Variants in UIMC1 observed in about 807,000 individuals in gnomAD.
UIMC1 encodes ubiquitin interaction motif containing 1.
Under a neutral mutation model 84.9 loss-of-function variants are expected in UIMC1, and 42 were observed. The ratio of observed to expected loss-of-function variants is 0.49; its 90% CI spans 0.39 to 0.64. UIMC1 has a LOEUF of 0.64. UIMC1 is among the 30% of genes least tolerant of loss of function. The pLI is 0.00. For missense variants in UIMC1, 825 were observed against 847.6 expected, an observed-to-expected ratio of 0.97 and a Z score of 0.33; for synonymous variants, 281 against 293.0, an observed-to-expected ratio of 0.96 and a Z score of 0.42.
intron 2 of UIMC1, among the ~76,000 whole-genome samples, chr5:176,979,135 A>AGTTT (rs1770607358): frequency 6.6e-6 from 1 of 152,256 alleles, no homozygotes; most frequent in Non-Finnish European, 1.5e-5. Context: ...ACAAGATTTT[A>AGTTT]GTTTATGATA....
At chr5:176,945,046 C>T (rs961227670) in intron 9 of UIMC1, among the ~76,000 whole-genome samples, 1 of 152,224 alleles carries the variant, frequency 6.6e-6, no homozygotes, top group South Asian at 2.1e-4. Flanking sequence ...CCCAGGCCCA[C>T]TTGGCATCAA....
chr5:176,929,457 CTTG>C (rs986588301), intron 10 of UIMC1, among the ~76,000 whole-genome samples: 30 of 151,392 alleles, frequency 2.0e-4, no homozygotes, highest in African/African-American at 7.3e-4. Flanking sequence ...GTCCCAGCTA[CTTG>C]GGAGGCTGAG....
intron 8 of UIMC1, among the ~76,000 whole-genome samples, chr5:176,953,664 A>C (rs1766209936): frequency 6.6e-6 from 1 of 152,208 alleles, no homozygotes; most frequent in South Asian, 2.1e-4. Flanking sequence ...AATAATAAAA[A>C]GTCTTCAATT....
intron 10 of UIMC1, among the ~76,000 whole-genome samples, chr5:176,921,298 T>C (rs1212434258): frequency 6.6e-6 from 1 of 152,174 alleles, no homozygotes; most frequent in Non-Finnish European, 1.5e-5. Flanking sequence ...CTTGCTTAAT[T>C]AAGGATTCCC....
chr5:176,908,067 C>T (rs1759628802), intron 12 of UIMC1, among the ~76,000 whole-genome samples: 1 of 151,790 alleles, frequency 6.6e-6, no homozygotes, highest in Non-Finnish European at 1.5e-5. Flanking sequence ...TTCATAAATG[C>T]AAGTGAGAAA....
chr5:176,953,530 A>ACACACACACACACACACACACC (rs1486168664), intron 8 of UIMC1, among the ~76,000 whole-genome samples: 11 of 151,198 alleles, frequency 7.3e-5, no homozygotes, highest in South Asian at 6.3e-4. Flanking sequence ...ACACACACAC[A>ACACACACACACACACACACACC]CCTTATTGGA....
intron 8 of UIMC1, among the ~76,000 whole-genome samples, chr5:176,954,026 T>A (rs901706747): frequency 1.3e-5 from 2 of 152,232 alleles, no homozygotes; most frequent in African/African-American, 4.8e-5. Flanking sequence ...GGAACATTAA[T>A]GTAATGAATA....
intron 1 of UIMC1, among the ~76,000 whole-genome samples, chr5:177,020,555 C>T (rs1362731518): frequency 6.6e-6 from 1 of 152,188 alleles, no homozygotes; most frequent in Admixed American, 6.5e-5. Context: ...CTCAGCCTCC[C>T]GAGTAGCTGG....
chr5:176,942,847 G>C (rs1006847974), intron 10 of UIMC1, among the ~76,000 whole-genome samples: 1 of 151,512 alleles, frequency 6.6e-6, no homozygotes, highest in Non-Finnish European at 1.5e-5. Context: ...TTGAGGTCAT[G>C]AGTTCGAGAG....
chr5:176,965,275 T>C (rs952058308), intron 6 of UIMC1, among the ~76,000 whole-genome samples: 1 of 151,826 alleles, frequency 6.6e-6, no homozygotes, highest in South Asian at 2.1e-4. Context: ...CATAAAAAAT[T>C]AGGCGGGTGT....
At chr5:176,991,282 T>C (rs1312849527) in intron 1 of UIMC1, among the ~76,000 whole-genome samples, 2 of 152,014 alleles carry the variant, frequency 1.3e-5, no homozygotes, top group Non-Finnish European at 2.9e-5. Flanking sequence ...GTGCTGGGAT[T>C]ACAGACATGA....
At chr5:176,995,983 A>G (rs866275070) in intron 1 of UIMC1, among the ~76,000 whole-genome samples, 1 of 152,182 alleles carries the variant, frequency 6.6e-6, no homozygotes, top group Non-Finnish European at 1.5e-5. Flanking sequence ...AGAGAAATAA[A>G]GACGTGAATG....
intron 7 of UIMC1, among the ~76,000 whole-genome samples, 171 bp downstream of exon 7, chr5:176,957,922 G>A (rs1766809032): frequency 6.6e-6 from 1 of 152,174 alleles, no homozygotes. Context: ...GCTTCTATGA[G>A]ATGCACATCT....
intron 2 of UIMC1, among the ~76,000 whole-genome samples, chr5:176,977,897 C>T (rs377010238): frequency 2.6e-5 from 4 of 151,376 alleles, no homozygotes; most frequent in Admixed American, 2.6e-4. Flanking sequence ...GGCAACAGAG[C>T]GAGACTCCAT....
At chr5:176,990,910 G>A (rs904739265) in intron 1 of UIMC1, among the ~76,000 whole-genome samples, 4 of 151,922 alleles carry the variant, frequency 2.6e-5, no homozygotes, top group Non-Finnish European at 5.9e-5. Flanking sequence ...GGCCTCAAAC[G>A]ATCCTCCTGC....
At chr5:177,020,888 T>C (rs1775782573) in intron 1 of UIMC1, among the ~76,000 whole-genome samples, 1 of 152,182 alleles carries the variant, frequency 6.6e-6, no homozygotes, top group African/African-American at 2.4e-5. Flanking sequence ...TGAAATAAGC[T>C]AGTAATATTA....
At chr5:176,983,501 C>T (rs1454922324) in intron 1 of UIMC1, among the ~76,000 whole-genome samples, 1 of 152,194 alleles carries the variant, frequency 6.6e-6, no homozygotes, top group African/African-American at 2.4e-5. Context: ...TCCCGAGGTG[C>T]TGGGATTGCA....
intron 8 of UIMC1, among the ~76,000 whole-genome samples, chr5:176,953,435 T>C (rs573469337): frequency 1.3e-5 from 2 of 151,736 alleles, no homozygotes; most frequent in Non-Finnish European, 2.9e-5. Flanking sequence ...AAGGATTAAA[T>C]ACATTTCTAG....
At chr5:176,981,205 C>A in intron 2 of UIMC1, among the ~76,000 whole-genome samples, 1 of 141,510 alleles carries the variant, frequency 7.1e-6, no homozygotes, top group East Asian at 2.1e-4. Context: ...ACTGCAGTGG[C>A]GCAATCTCGG....
Sources: allele counts gnomAD v4.1 joint callset (sites outside exome capture counted in the v4.1 genomes callset), GRCh38; gene constraint gnomAD v4.1.1; transcripts MANE v1.5; gene names NCBI Gene and HGNC (gene_info 2026-07-23, HGNC 2026-07-21).